Variants in CLN8 observed in about 807,000 individuals in gnomAD.
CLN8 encodes CLN8 transmembrane ER and ERGIC protein.
A neutral mutation model predicts 15.7 loss-of-function variants in CLN8; 14 were observed. That is an observed-to-expected ratio of 0.89 (90% CI 0.59 to 1.39). The LOEUF (loss-of-function observed/expected upper bound fraction) is 1.39. Ranked by LOEUF, CLN8 falls within the 40% of genes most tolerant of loss-of-function variation. CLN8 has a pLI of 0.00. For synonymous variants in CLN8, 188 were observed against 151.0 expected, an observed-to-expected ratio of 1.25 and a Z score of -1.80; for missense variants, 415 against 364.0, an observed-to-expected ratio of 1.14 and a Z score of -1.14.
At chr8:1,773,651 A>T (rs1801401721) in intron 2 of CLN8, 1 of 152,274 alleles carries the variant, frequency 6.6e-6, no homozygotes, top group South Asian at 2.1e-4. Context: ...AAGAGTGCAG[A>T]CTTCTGGGAT....
rs543577536 is a variant in CLN8, at chr8:1,773,072, G to A, written c.543+1475G>A. On this transcript the variant is annotated intron_variant, in intron 2 of 2. Transcript: ENST00000331222. ...TGCATAACCACCATGGACACCAGCC[G>A]GGTGTCAGATACTGTGCTGGCACCT... 6.0e-5 allele frequency: 24 copies of A among 396,928 alleles called. No individual in the cohort carries two copies. In the South Asian group the frequency reaches 1.0e-3, roughly 17 times the overall value. 24.6% of individuals were successfully genotyped at this position (396,928 alleles called of 1,614,324 possible).
At chr8:1,754,153 C>G (rs1231900127), upstream of CLN8, among the ~76,000 whole-genome samples, 3 of 152,156 alleles carry the variant, frequency 2.0e-5, no homozygotes, top group East Asian at 5.8e-4. Flanking sequence ...TGCACATAGC[C>G]CTCTCCAGCA....
chr8:1,770,955 C>T lies in CLN8; in HGVS notation c.-100C>T. On this transcript the variant is annotated 5_prime_UTR_variant, in exon 2 of 3. Transcript: ENST00000331222. The stretch of plus-strand genomic sequence containing the variant: ...AGATTGAAGATGGATACGTGACAAT[C>T]CCAGGGACCGCTGCACTGACTTCAT... 2 of 1,089,344 alleles carry T rather than the reference C, an allele frequency of 1.8e-6. No individual in the cohort carries two copies. The highest frequency in any genetic ancestry group is 4.8e-5 in the East Asian group (2 of 42,098). The allele number at this position is 1,089,344 out of a possible 1,614,324, so 67.5% of individuals were successfully genotyped here.
upstream of CLN8, among the ~76,000 whole-genome samples, chr8:1,753,170 T>C (rs905469799): frequency 1.1e-4 from 17 of 152,196 alleles, 1 homozygote; most frequent in Non-Finnish European, 2.1e-4. Flanking sequence ...CGTGGCAAGG[T>C]GTGCAGCTCC....
In CLN8 at chr8:1,771,061, C is replaced by G. The variant is rs767218890; in HGVS notation, c.7C>G (p.Pro3Ala). 6.2e-6 allele frequency: 10 copies of G among 1,614,038 alleles called. No individual in the cohort carries two copies. Among genetic ancestry groups the G allele is most frequent in the African/African-American group, 2.7e-5 (2 of 75,012 alleles). ...TGGAATATAGCTGTGGACAATGAATCCTGCGAGCGATGGGGGCACATCAGA... is the reference window on the plus strand; with the variant it reads ...TGGAATATAGCTGTGGACAATGAATGCTGCGAGCGATGGGGGCACATCAGA... MN[P>A]ASDGGTSESI... The change falls in exon 2 of 3, where the codon CCT becomes GCT. Residue 3 changes from proline (P) to alanine (A), a missense_variant. By Grantham distance (27) the Pro-to-Ala change is conservative. Transcript: ENST00000331222.
chr8:1,779,059 C>A (rs1801621769), intron 2 of CLN8, among the ~76,000 whole-genome samples: 1 of 152,162 alleles, frequency 6.6e-6, no homozygotes, highest in Non-Finnish European at 1.5e-5. Context: ...GAATGCTCTA[C>A]TGAAAGTTGA....
At chr8:1,761,404 A>G (rs1301584705), upstream of CLN8, among the ~76,000 whole-genome samples, 1 of 152,222 alleles carries the variant, frequency 6.6e-6, no homozygotes, top group East Asian at 1.9e-4. Flanking sequence ...AGCACACTGC[A>G]ACCTCCGCCT....
Position 1,779,867 on chromosome 8 carries a change from T to C in CLN8, c.544-383T>C, listed in dbSNP as rs533034101. The C allele has an allele frequency of 2.3e-4, 182 of 793,656 alleles. 2 individuals carry two copies. In the African/African-American group the frequency reaches 3.2e-3, roughly 14 times the overall value. 49.2% of individuals were successfully genotyped at this position (793,656 alleles called of 1,614,324 possible). A position where few individuals can be genotyped will look rare whatever the true frequency, so the allele number is the denominator to read the frequency against. ...AGGGTCTAGGTATGGGAGCTTGATA[T>C]ACCTGTGTCTGGTTTTGCCAAATAA... On this transcript the variant is annotated intron_variant, in intron 2 of 2. Transcript: ENST00000331222.
Position 1,771,591 on chromosome 8 carries a change from C to T in CLN8, c.537C>T (p.Leu179=), listed in dbSNP as rs2130992882. ...CCTTTACCTGCGTTTCCTGGATGCT[C>T]TTAAAGGTAAGTGCATGCATCAGCA... ...STPFTCVSWM[L]LKAGWSESLF... Residue 179 remains leucine, a synonymous_variant, in exon 2 of 3, where the codon CTC becomes CTT. Transcript: ENST00000331222. 1 of 1,613,728 alleles carries T rather than the reference C, an allele frequency of 6.2e-7. No homozygotes were observed. The highest frequency in any genetic ancestry group is 2.2e-5 in the East Asian group (1 of 44,878).
chr8:1,760,622 G>A (rs541804335), upstream of CLN8, among the ~76,000 whole-genome samples: 3 of 152,292 alleles, frequency 2.0e-5, no homozygotes, highest in African/African-American at 7.2e-5. Flanking sequence ...GCAAGTTATG[G>A]TTCCATCTTT....
chr8:1,766,207 T>C (rs750572550), intron 1 of CLN8, among the ~76,000 whole-genome samples: 4 of 152,154 alleles, frequency 2.6e-5, no homozygotes, highest in Non-Finnish European at 4.4e-5. Context: ...GCTTTTTGTA[T>C]ACATTTTCTC....
chr8:1,766,784 G>A (rs566352537), intron 1 of CLN8, among the ~76,000 whole-genome samples: 70 of 152,334 alleles, frequency 4.6e-4, no homozygotes, highest in South Asian at 3.1e-3. Flanking sequence ...GCCTTATGGT[G>A]CACAGCAAGG....
In CLN8 at chr8:1,757,262, C is replaced by G. The variant is rs986241857; in HGVS notation, c.-124+1180C>G. 4.6e-5 allele frequency among the ~76,000 whole-genome samples: 7 copies of G among 152,322 alleles called. No individual in the cohort carries two copies. In the East Asian group the frequency reaches 9.7e-4, roughly 21 times the overall value. On this transcript the variant is annotated intron_variant, in intron 1 of 1. Transcript: ENST00000524258. ...TCGGAAGCCTGGTAGCTTCTCCCCT[C>G]TGAAGGTCAGCAGCAGCAACCTGCT...
At chr8:1,772,437 A>G (rs1801350195) in intron 2 of CLN8, among the ~76,000 whole-genome samples, 1 of 152,102 alleles carries the variant, frequency 6.6e-6, no homozygotes, top group East Asian at 1.9e-4. Context: ...TGATGTCAAA[A>G]TGTTCTTCAT....
upstream of CLN8, among the ~76,000 whole-genome samples, chr8:1,755,438 C>T (rs142091114): frequency 6.4e-4 from 97 of 152,260 alleles, no homozygotes; most frequent in African/African-American, 2.2e-3. Context: ...CCACACAGAC[C>T]CCTCCCCACC....
In CLN8 at chr8:1,779,441, C is replaced by T. The variant is rs187250780; in HGVS notation, c.544-809C>T. Among the ~76,000 whole-genome samples the T allele has an allele frequency of 1.3e-4, 20 of 152,238 alleles. No homozygotes were observed. The East Asian group carries it at 3.7e-3, about 28-fold the overall frequency. On this transcript the variant is annotated intron_variant, in intron 2 of 2. Coordinates refer to ENST00000331222, the MANE Select transcript of CLN8 (RefSeq NM_018941.4). The stretch of plus-strand genomic sequence containing the variant: ...TGTATTTTTATTAGAAATGGGGCTT[C>T]GCCATGTTGGCCAGGCTGGTCTCAA...
intron 2 of CLN8, among the ~76,000 whole-genome samples, chr8:1,774,588 G>C (rs1377214028): frequency 2.6e-5 from 4 of 152,184 alleles, no homozygotes; most frequent in African/African-American, 9.7e-5. Context: ...ATCAATTTAG[G>C]ATGGGGGTCT....
At chr8:1,774,159 G>T (rs1801423162) in intron 2 of CLN8, among the ~76,000 whole-genome samples, 1 of 152,184 alleles carries the variant, frequency 6.6e-6, no homozygotes, top group African/African-American at 2.4e-5. Flanking sequence ...CCCTCCCCTG[G>T]TGTGGTGGTG....
rs1801786072 is a variant in CLN8 at position 1,784,651 on chromosome 8, G to A, written c.*4084G>A. 3.3e-5 allele frequency: 5 copies of A among 152,374 alleles called. No homozygotes were observed. The highest frequency in any genetic ancestry group is 3.3e-4 in the Admixed American group (5 of 15,272). 9.4% of individuals were successfully genotyped at this position (152,374 alleles called of 1,614,324 possible). ...TGTTTTATTCTCTGATTGATTCTAA[G>A]CCCCATGTCCCTGGCACAGGATGGC... On this transcript the variant is annotated 3_prime_UTR_variant, in exon 3 of 3. Coordinates refer to ENST00000331222, the MANE Select transcript of CLN8 (RefSeq NM_018941.4).
Sources: gnomAD v4.1 joint callset for allele counts (sites outside exome capture counted in the v4.1 genomes callset) on GRCh38, gnomAD v4.1.1 for gene constraint, MANE v1.5 for transcripts, NCBI Gene and HGNC (gene_info 2026-07-23, HGNC 2026-07-21) for gene names.